The following CDHR3 variants were observed in gnomAD, a reference collection of about 807,000 sequenced individuals.
CDHR3 encodes the protein cadherin-related family member 3.
In CDHR3, 79 loss-of-function variants were observed where a neutral mutation model predicts 86.6. The observed-to-expected ratio is 0.91, with a 90% CI of 0.76 to 1.10. The LOEUF (loss-of-function observed/expected upper bound fraction) is 1.10. CDHR3 is among the 50% of genes least tolerant of loss of function. The probability of loss-of-function intolerance (pLI) is 0.00; values close to 1 mark genes in which losing one functional copy is unlikely to be tolerated. For missense variants in CDHR3, 1,081 were observed against 1,077.6 expected, an observed-to-expected ratio of 1.00 and a Z score of -0.04; for synonymous variants, 421 against 402.4, an observed-to-expected ratio of 1.05 and a Z score of -0.55.
chr7:106,004,777 A>G (rs964942164), intron 8 of CDHR3, 90 bp downstream of exon 8: 1 of 1,274,644 alleles, frequency 7.8e-7, no homozygotes, highest in Non-Finnish European at 1.1e-6. Flanking sequence ...CAGGAGAATT[A>G]TAAGCATTTG....
In CDHR3 at chr7:106,001,503, G is replaced by A; in HGVS notation, c.755G>A (p.Gly252Glu). ...VYTVLEELSP[G>E]TIVANITAED... Reference sequence around the variant, plus strand: ...ACAGTCCTGGAGGAACTGAGTCCAGGAACCATCGTGGCCAATATCACAGCG... The same window carrying A: ...ACAGTCCTGGAGGAACTGAGTCCAGAAACCATCGTGGCCAATATCACAGCG... Residue 252 changes from glycine (G) to glutamate (E), a missense_variant, in exon 7 of 19, where the codon GGA becomes GAA. Transcript: ENST00000317716. The A allele has an allele frequency of 6.2e-7, 1 of 1,614,000 alleles. No individual in the cohort carries two copies. Among genetic ancestry groups the A allele is most frequent in the East Asian group, 2.2e-5 (1 of 44,886 alleles).
Position 106,015,140 on chromosome 7 carries a change from A to G in CDHR3, c.1254A>G (p.Pro418=). The G allele has an allele frequency of 1.2e-6, 2 of 1,610,418 alleles. No homozygotes were observed. Among genetic ancestry groups the G allele is most frequent in the Non-Finnish European group, 1.7e-6 (2 of 1,178,388 alleles). The change falls in exon 10 of 19, where the codon CCA becomes CCG. Residue 418 remains proline, a synonymous_variant. Coordinates refer to ENST00000317716, the MANE Select transcript of CDHR3 (RefSeq NM_152750.5). ...VLIGDLDYEN[P]SNLAAGNKYT... Reference sequence around the variant, plus strand: ...TTGGTGATCTAGACTACGAAAATCCAAGTAACCTAGCAGCCGGCAATAAAT... The same window carrying G: ...TTGGTGATCTAGACTACGAAAATCCGAGTAACCTAGCAGCCGGCAATAAAT...
Position 106,030,264 on chromosome 7 carries a change from A to T in CDHR3, c.2305-528A>T, listed in dbSNP as rs1838126186. On this transcript the variant is annotated intron_variant, in intron 17 of 18. Coordinates refer to ENST00000317716, the MANE Select transcript of CDHR3 (RefSeq NM_152750.5). The surrounding 1 kb of genome is among the most constrained non-coding windows in gnomAD (Gnocchi z 4.8). ...AGAAAAGACCTGGAGCACAGGGCTT[A>T]GGTGAGGCCCAGATGCGACACTGCA... Among the ~76,000 whole-genome samples, 1 of 152,238 alleles carries T rather than the reference A, an allele frequency of 6.6e-6. No individual in the cohort carries two copies. Among genetic ancestry groups the T allele is most frequent in the Admixed American group, 6.5e-5 (1 of 15,288 alleles).
rs1356994175 is a variant in CDHR3, at chr7:106,034,759, A to G, written c.*2062A>G. The stretch of plus-strand genomic sequence containing the variant: ...TTCTGAGAAGGCTGAAGGGGGACTT[A>G]ATAACTGCTTATAAGCCCATTAAGA... On this transcript the variant is annotated 3_prime_UTR_variant, in exon 19 of 19. Transcript: ENST00000317716. 6.6e-6 allele frequency among the ~76,000 whole-genome samples: 1 copy of G among 152,176 alleles called. No individual in the cohort carries two copies. Among genetic ancestry groups the G allele is most frequent in the Non-Finnish European group, 1.5e-5 (1 of 68,016 alleles).
rs767757764 is a variant in CDHR3, at chr7:106,017,926, G to T, written c.1507G>T (p.Gly503Trp). 3 of 1,611,646 alleles carry T rather than the reference G, an allele frequency of 1.9e-6. No homozygotes were observed. Among genetic ancestry groups the T allele is most frequent in the Non-Finnish European group, 2.5e-6 (3 of 1,178,834 alleles). ...CCTCCTGTACTCCATCTCCACTGGA[G>T]GGGCCAGCCTCCAGTATCCAAATGT... ...SSLLYSISTG[G>W]ASLQYPNVFW... Residue 503 changes from glycine (G) to tryptophan (W), a missense_variant, in exon 12 of 19, where the codon GGG becomes TGG. By Grantham distance (184) the Gly-to-Trp change is radical. Coordinates refer to ENST00000317716, the MANE Select transcript of CDHR3 (RefSeq NM_152750.5).
At chr7:106,015,265 C>T (rs975532000) in intron 10 of CDHR3, 52 bp downstream of exon 10, 2 of 1,460,524 alleles carry the variant, frequency 1.4e-6, no homozygotes, top group Non-Finnish European at 1.9e-6. Context: ...GTATCAATGA[C>T]CAAACTCTGC....
At chr7:105,972,868 A>G (rs1828194234) in intron 1 of CDHR3, among the ~76,000 whole-genome samples, 1 of 152,226 alleles carries the variant, frequency 6.6e-6, no homozygotes, top group South Asian at 2.1e-4. Flanking sequence ...TGCATTATGC[A>G]TTTTAGCCTC....
At chr7:106,014,967 A>G in intron 9 of CDHR3, 144 bp from the exon 10 acceptor site, 1 of 604,550 alleles carries the variant, frequency 1.7e-6, no homozygotes, top group Admixed American at 3.1e-5. Flanking sequence ...AACTTTTTAA[A>G]GCTCCTAATT....
intron 18 of CDHR3, among the ~76,000 whole-genome samples, 200 bp from the exon 19 acceptor site, chr7:106,032,193 G>A (rs1391410866): frequency 3.9e-5 from 6 of 152,172 alleles, no homozygotes; most frequent in South Asian, 2.1e-4. Context: ...TGTGTGGTCC[G>A]AGCAGCACGG....
At chr7:105,983,301 A>G (rs1246972438) in intron 3 of CDHR3, among the ~76,000 whole-genome samples, 1 of 152,178 alleles carries the variant, frequency 6.6e-6, no homozygotes, top group African/African-American at 2.4e-5. Context: ...AGTGAATGAA[A>G]GCTCAAGCTC....
intron 4 of CDHR3, among the ~76,000 whole-genome samples, chr7:105,988,688 A>G (rs764834376): frequency 2.0e-5 from 3 of 152,204 alleles, no homozygotes; most frequent in Non-Finnish European, 2.9e-5. Context: ...GTGCTGGTAC[A>G]TTGTTTGGAC....
At chr7:106,024,035 G>A (rs1201124079) in intron 14 of CDHR3, among the ~76,000 whole-genome samples, 1 of 152,132 alleles carries the variant, frequency 6.6e-6, no homozygotes, top group African/African-American at 2.4e-5. Context: ...ATGCTGTCTC[G>A]GTGAGAGACA....
At chr7:105,989,803 G>T (rs775152169) in intron 4 of CDHR3, among the ~76,000 whole-genome samples, 1 of 152,096 alleles carries the variant, frequency 6.6e-6, no homozygotes, top group African/African-American at 2.4e-5. Flanking sequence ...CTTCTACTCT[G>T]TTCTGGCAAG....
At chr7:105,987,181 G>A (rs924654234) in intron 4 of CDHR3, among the ~76,000 whole-genome samples, 1 of 152,140 alleles carries the variant, frequency 6.6e-6, no homozygotes, top group Non-Finnish European at 1.5e-5. Context: ...ACTGCAGCAG[G>A]TGTTGCTCCC....
intron 17 of CDHR3, among the ~76,000 whole-genome samples, chr7:106,029,413 GT>G (rs1298802351): frequency 3.9e-5 from 6 of 152,142 alleles, no homozygotes; most frequent in Non-Finnish European, 7.4e-5. Context: ...TGAGCTTTAG[GT>G]TCCTCACCTG....
intron 1 of CDHR3, among the ~76,000 whole-genome samples, chr7:105,965,968 A>G (rs1826858540): frequency 6.6e-6 from 1 of 152,144 alleles, no homozygotes; most frequent in African/African-American, 2.4e-5. Flanking sequence ...CTTGATATTG[A>G]CATTTAAATT....
At chr7:105,977,269 T>C (rs1828974112) in intron 2 of CDHR3, among the ~76,000 whole-genome samples, 1 of 152,254 alleles carries the variant, frequency 6.6e-6, no homozygotes, top group Non-Finnish European at 1.5e-5. Context: ...TCTCCTGATT[T>C]CCAGTTCCAG....
At position 105,981,092 on chromosome 7, in the gene CDHR3, A is replaced by T. The variant is rs759476853; in HGVS notation, c.374A>T (p.Asp125Val). 4 of 1,613,614 alleles carry T rather than the reference A, an allele frequency of 2.5e-6. No individual in the cohort carries two copies. Among genetic ancestry groups the T allele is most frequent in the Non-Finnish European group, 3.4e-6 (4 of 1,179,810 alleles). The change falls in exon 3 of 19, where the codon GAT becomes GTT. Residue 125 changes from aspartate (D) to valine (V), a missense_variant. Transcript: ENST00000317716. ...DLQVLTVQVT[D>V]VNEPPQFQGN... The stretch of plus-strand genomic sequence containing the variant: ...CAAGTCCTGACTGTCCAGGTAACAG[A>T]TGTGAACGAGCCACCTCAGTTTCAA...
chr7:106,004,714 G>A (rs1563273939), intron 8 of CDHR3, 27 bp downstream of exon 8: 1 of 1,611,814 alleles, frequency 6.2e-7, no homozygotes, highest in Non-Finnish European at 8.5e-7. Flanking sequence ...AGTTGGGCTG[G>A]ACATTCTATC....
Sources: gnomAD v4.1 joint callset for allele counts (sites outside exome capture counted in the v4.1 genomes callset) on GRCh38, gnomAD v4.1.1 for gene constraint, Gnocchi (gnomAD v3.1) non-coding constraint, MANE v1.5 for transcripts, NCBI Gene and HGNC (gene_info 2026-07-23, HGNC 2026-07-21) for gene names.